Variants in KIF16B observed in about 807,000 individuals in gnomAD.
KIF16B encodes kinesin family member 16B.
In KIF16B, 98 loss-of-function variants were observed where a neutral mutation model predicts 156.3. The ratio of observed to expected loss-of-function variants is 0.63; its 90% CI spans 0.53 to 0.74. KIF16B has a LOEUF of 0.74. KIF16B is among the 30% of genes least tolerant of loss of function. The pLI is 0.00. For synonymous variants in KIF16B, 564 were observed against 583.7 expected, an observed-to-expected ratio of 0.97 and a Z score of 0.49; for missense variants, 1,421 against 1,606.5, an observed-to-expected ratio of 0.88 and a Z score of 1.97.
intron 24 of KIF16B, among the ~76,000 whole-genome samples, chr20:16,326,391 C>A (rs1337820476): frequency 1.3e-5 from 2 of 150,162 alleles, no homozygotes; most frequent in Non-Finnish European, 1.5e-5. Context: ...AAAATCTTTG[C>A]AAACTATGTA....
intron 10 of KIF16B, among the ~76,000 whole-genome samples, chr20:16,498,735 C>T (rs1324272028): frequency 1.3e-5 from 2 of 151,932 alleles, no homozygotes; most frequent in Admixed American, 1.3e-4. Context: ...CCACTGCCTA[C>T]AGTATGCATG....
At position 16,429,864 on chromosome 20, in the gene KIF16B, T is replaced by C. The variant is rs1213075824; in HGVS notation, c.1421A>G (p.Lys474Arg). ...LSTGIILYHL[K>R]EGQTYVGRDD... is the part of the protein sequence containing the mutation. ...ATGTTCCACTTAATCAGTTTCTACC[T>C]TTAAATGATATAAGATGATTCCAGT... is the stretch of plus-strand genomic sequence containing the variant. The change falls in exon 13 of 26, where the codon AAG becomes AGG. Residue 474 changes from lysine (K) to arginine (R), a missense_variant and splice_region_variant. Coordinates refer to ENST00000354981, the MANE Select transcript of KIF16B (RefSeq NM_024704.5). The C allele has an allele frequency of 6.2e-7, 1 of 1,607,248 alleles. No homozygotes were observed. Among genetic ancestry groups the C allele is most frequent in the Non-Finnish European group, 8.5e-7 (1 of 1,177,940 alleles).
At chr20:16,326,245 C>T (rs552175207) in intron 24 of KIF16B, among the ~76,000 whole-genome samples, 12 of 151,442 alleles carry the variant, frequency 7.9e-5, no homozygotes, top group Admixed American at 2.0e-4. Flanking sequence ...TTAGGCAAAG[C>T]CTTCATGACC....
Position 16,356,338 on chromosome 20 carries a change from C to G in KIF16B, c.3613G>C (p.Glu1205Gln). ...GQGKDAHFEF[E>Q]VKITVLDETW... ...GTCAAGAAGACACTCACCTTGACCTCAAACTCGAAGTGTGCATCCTTTCCT... is the reference window on the plus strand; with the variant it reads ...GTCAAGAAGACACTCACCTTGACCTGAAACTCGAAGTGTGCATCCTTTCCT... The change falls in exon 23 of 26, where the codon GAG becomes CAG. Residue 1205 changes from glutamate (E) to glutamine (Q), a missense_variant. By Grantham distance (29) the Glu-to-Gln change is conservative. Coordinates refer to ENST00000354981, the MANE Select transcript of KIF16B (RefSeq NM_024704.5). The G allele has an allele frequency of 6.2e-7, 1 of 1,614,148 alleles. No homozygotes were observed. The highest frequency in any genetic ancestry group is 8.5e-7 in the Non-Finnish European group (1 of 1,179,976).
At chr20:16,343,130 TTG>T (rs1450350309) in intron 23 of KIF16B, among the ~76,000 whole-genome samples, 56 of 152,340 alleles carry the variant, frequency 3.7e-4, no homozygotes, top group Non-Finnish European at 6.9e-4. Context: ...CTGCATATAT[TTG>T]AGGAGCAAAT....
At chr20:16,312,194 T>C (rs2122708574) in intron 25 of KIF16B, 141 bp downstream of exon 25, 2 of 601,042 alleles carry the variant, frequency 3.3e-6, no homozygotes, top group South Asian at 2.1e-5. Flanking sequence ...CTTCATAATC[T>C]ACTGCTGCCA....
At chr20:16,299,608 A>G (rs1209742066) in intron 25 of KIF16B, among the ~76,000 whole-genome samples, 3 of 152,196 alleles carry the variant, frequency 2.0e-5, no homozygotes, top group Non-Finnish European at 2.9e-5. Context: ...ATTGCCACAG[A>G]AGGTCACTCT....
intron 12 of KIF16B, among the ~76,000 whole-genome samples, chr20:16,477,254 T>C (rs1279451951): frequency 6.6e-6 from 1 of 150,448 alleles, no homozygotes; most frequent in Admixed American, 6.6e-5. Flanking sequence ...TTAGCCTGGA[T>C]TCCTTCCTGG....
chr20:16,387,286 T>A (rs2065251064), intron 17 of KIF16B, among the ~76,000 whole-genome samples: 1 of 152,084 alleles, frequency 6.6e-6, no homozygotes, highest in Non-Finnish European at 1.5e-5. Context: ...ACTATTAATT[T>A]ACAGGGGCAC....
chr20:16,490,159 G>A (rs544764466), intron 12 of KIF16B, among the ~76,000 whole-genome samples: 3 of 152,112 alleles, frequency 2.0e-5, no homozygotes, highest in Non-Finnish European at 4.4e-5. Flanking sequence ...GAATGTGACC[G>A]TATTTGGAGA....
intron 1 of KIF16B, among the ~76,000 whole-genome samples, chr20:16,551,942 C>T (rs2070684194): frequency 6.6e-6 from 1 of 152,110 alleles, no homozygotes; most frequent in Non-Finnish European, 1.5e-5. Context: ...GGAGGGTGGG[C>T]GTGGGGGCGC....
chr20:16,379,663 C>A lies in KIF16B; in HGVS notation c.2339G>T (p.Arg780Leu). 1 of 1,614,138 alleles carries A rather than the reference C, an allele frequency of 6.2e-7. No individual in the cohort carries two copies. The highest frequency in any genetic ancestry group is 8.5e-7 in the Non-Finnish European group (1 of 1,180,028). Residue 780 changes from arginine to leucine, a missense_variant, in exon 19 of 26, where the codon CGG becomes CTG. Arg to Leu is a moderately radical substitution (Grantham distance 102, BLOSUM62 -2). Transcript: ENST00000354981. ...REKQEMIQLL[R>L]RGEVQWVEEE... is the part of the protein sequence containing the mutation. ...TTCCACCCACTGTACCTCCCCACGC[C>A]GCAGGAGCTGGATCATCTCCTGCTT...
At chr20:16,339,015 G>A (rs1439567022) in intron 23 of KIF16B, among the ~76,000 whole-genome samples, 1 of 152,010 alleles carries the variant, frequency 6.6e-6, no homozygotes, top group Non-Finnish European at 1.5e-5. Flanking sequence ...AGTGGCAGAC[G>A]GAAGGGAAAG....
chr20:16,445,432 G>A (rs1173731107), intron 12 of KIF16B, among the ~76,000 whole-genome samples: 2 of 151,316 alleles, frequency 1.3e-5, no homozygotes, highest in African/African-American at 4.9e-5. Context: ...GTGTGTGTGT[G>A]TGTGTGTGTG....
intron 17 of KIF16B, among the ~76,000 whole-genome samples, chr20:16,402,384 G>A (rs992596227): frequency 6.6e-6 from 1 of 152,138 alleles, no homozygotes; most frequent in Non-Finnish European, 1.5e-5. Context: ...ACTGGCAATG[G>A]TGCCCCCGTC....
intron 4 of KIF16B, 146 bp downstream of exon 4, chr20:16,515,402 C>G (rs1444784704): frequency 3.8e-6 from 2 of 521,682 alleles, no homozygotes; most frequent in African/African-American, 3.9e-5. Context: ...AAATTTAGTC[C>G]AACTTATTAC....
chr20:16,447,899 A>T (rs2066977056), intron 12 of KIF16B, among the ~76,000 whole-genome samples: 1 of 152,180 alleles, frequency 6.6e-6, no homozygotes, highest in Non-Finnish European at 1.5e-5. Flanking sequence ...TGGGCCCAGA[A>T]GCTTGAGTCT....
Position 16,511,427 on chromosome 20 carries a change from A to T in KIF16B, c.547T>A (p.Tyr183Asn). 6.3e-7 allele frequency: 1 copy of T among 1,584,458 alleles called. No individual in the cohort carries two copies. The highest frequency in any genetic ancestry group is 8.6e-7 in the Non-Finnish European group (1 of 1,156,928). The part of the protein sequence containing the change: ...RVREHPKEGP[Y>N]VEDLSKHLVQ... ...AAATATCTACTCTTACCCTCAACAT[A>T]AGGGCCTTCTTTGGGATGCTCACGG... Residue 183 changes from tyrosine (Y) to asparagine (N), a missense_variant, in exon 6 of 26, where the codon TAT becomes AAT. By Grantham distance (143) the Tyr-to-Asn change is moderately radical. Coordinates refer to ENST00000354981, the MANE Select transcript of KIF16B (RefSeq NM_024704.5).
intron 12 of KIF16B, among the ~76,000 whole-genome samples, chr20:16,473,291 G>A (rs950027006): frequency 6.6e-6 from 1 of 152,116 alleles, no homozygotes; most frequent in Non-Finnish European, 1.5e-5. Context: ...AAACAGGCCT[G>A]CTAAATTTTG....
Sources: allele counts gnomAD v4.1 joint callset (sites outside exome capture counted in the v4.1 genomes callset), GRCh38; gene constraint gnomAD v4.1.1; transcripts MANE v1.5; gene names NCBI Gene and HGNC (gene_info 2026-07-23, HGNC 2026-07-21).